Variants in MED12L observed in about 807,000 individuals in gnomAD.
MED12L encodes mediator complex subunit 12L, also known as mediator of RNA polymerase II transcription subunit 12-like protein.
Under a neutral mutation model 281.3 loss-of-function variants are expected in MED12L, and 60 were observed. The observed-to-expected ratio is 0.21, with a 90% CI of 0.17 to 0.26. The LOEUF (loss-of-function observed/expected upper bound fraction) is 0.26. MED12L is among the 10% of genes least tolerant of loss of function. The pLI, the probability that MED12L is intolerant of heterozygous loss-of-function variation, is 1.00. For synonymous variants in MED12L, 974 were observed against 987.2 expected (o/e 0.99, Z 0.25); for missense variants, 2,146 against 2,680.9 (o/e 0.80, Z 4.41).
chr3:151,369,041 G>A (rs909600617), intron 25 of MED12L, among the ~76,000 whole-genome samples: 5 of 152,046 alleles, frequency 3.3e-5, no homozygotes, highest in African/African-American at 7.2e-5. Context: ...GATTACAGGC[G>A]TGAGCCACCG....
chr3:151,357,493 G>C, intron 20 of MED12L, 117 bp downstream of exon 20: 1 of 884,024 alleles, frequency 1.1e-6, no homozygotes, highest in Non-Finnish European at 1.6e-6. Flanking sequence ...GTTAAAACAT[G>C]GTTAAAGAAC....
chr3:151,176,102 C>T (rs956137515), intron 11 of MED12L, among the ~76,000 whole-genome samples: 1 of 152,158 alleles, frequency 6.6e-6, no homozygotes, highest in Non-Finnish European at 1.5e-5. Flanking sequence ...GTCCCACTCC[C>T]CTGCCCAGAC....
chr3:151,102,916 A>G (rs965215932), intron 2 of MED12L, among the ~76,000 whole-genome samples: 8 of 152,224 alleles, frequency 5.3e-5, no homozygotes, highest in African/African-American at 1.9e-4. Context: ...AAGGAGCTAC[A>G]TAGTGGCTAA....
intron 16 of MED12L, among the ~76,000 whole-genome samples, chr3:151,271,851 G>A (rs747972618): frequency 4.8e-4 from 73 of 152,202 alleles, no homozygotes; most frequent in Non-Finnish European, 8.8e-4. Flanking sequence ...AATTAGGAAT[G>A]TAGATGGCTG....
At chr3:151,094,226 T>G (rs1176565019) in intron 2 of MED12L, among the ~76,000 whole-genome samples, 1 of 152,180 alleles carries the variant, frequency 6.6e-6, no homozygotes, top group Non-Finnish European at 1.5e-5. Context: ...ACAAGAACTG[T>G]GATGTATTTC....
chr3:151,100,624 T>A (rs1196340667), intron 2 of MED12L, among the ~76,000 whole-genome samples: 5 of 152,196 alleles, frequency 3.3e-5, no homozygotes, highest in Admixed American at 1.3e-4. Context: ...TCTTCTTTTT[T>A]AATAAAGCTT....
At chr3:151,410,604 C>T (rs17283052) in intron 40 of MED12L, among the ~76,000 whole-genome samples, 56,931 of 152,070 alleles carry the variant, frequency 0.37, 11,127 homozygotes, top group Middle Eastern at 0.48. Context: ...GGTGACAATA[C>T]ACAAAGAACT....
chr3:151,207,501 G>A (rs1038002340), intron 16 of MED12L, among the ~76,000 whole-genome samples: 3 of 150,324 alleles, frequency 2.0e-5, no homozygotes, highest in East Asian at 4.0e-4. Context: ...AGAAATTTTG[G>A]GGGGGACTGT....
intron 16 of MED12L, among the ~76,000 whole-genome samples, chr3:151,317,205 T>G (rs1748369093): frequency 6.6e-6 from 1 of 152,114 alleles, no homozygotes; most frequent in South Asian, 2.1e-4. Flanking sequence ...TTGTAATTGA[T>G]AACTTTGGAA....
intron 3 of MED12L, among the ~76,000 whole-genome samples, chr3:151,119,720 T>G (rs1376420545): frequency 6.6e-6 from 1 of 152,112 alleles, no homozygotes; most frequent in Non-Finnish European, 1.5e-5. Context: ...AATAACTAAG[T>G]AAATGGAAAT....
At chr3:151,418,159 TTCTC>T (rs1317264229) in intron 43 of MED12L, among the ~76,000 whole-genome samples, 4 of 152,234 alleles carry the variant, frequency 2.6e-5, no homozygotes, top group Non-Finnish European at 4.4e-5. Context: ...TGCTTTATTA[TTCTC>T]TCTTTCACTC....
In MED12L at chr3:151,435,541, C is replaced by CTT. The variant is rs1720051633; in HGVS notation, c.*2738_*2739dup. On this transcript the variant is annotated 3_prime_UTR_variant, in exon 45 of 45. Coordinates refer to ENST00000687756, the MANE Select transcript of MED12L (RefSeq NM_001393769.1). ...GTCTCAAATGATTGGCAGGGGCTAA[C>CTT]TTATTAGTAATTCTCGGTTTTGTGC... 6.6e-6 allele frequency: 1 copy of CTT among 152,218 alleles called. No homozygotes were observed. Among genetic ancestry groups the CTT allele is most frequent in the South Asian group, 2.1e-4 (1 of 4,818 alleles). 9.4% of individuals were successfully genotyped at this position (152,218 alleles called of 1,614,324 possible).
At chr3:151,294,090 G>T in intron 16 of MED12L, 1 of 882,072 alleles carries the variant, frequency 1.1e-6, no homozygotes, top group Non-Finnish European at 1.8e-6. Flanking sequence ...TCATATTTTT[G>T]ATGGGCTCAA....
intron 16 of MED12L, among the ~76,000 whole-genome samples, chr3:151,282,955 A>G (rs1168361119): frequency 6.6e-6 from 1 of 152,226 alleles, no homozygotes; most frequent in Non-Finnish European, 1.5e-5. Flanking sequence ...GGGGGCAGAA[A>G]TTACATCATT....
At position 151,164,002 on chromosome 3, in the gene MED12L, G is replaced by A. The variant is rs758939479; in HGVS notation, c.1217G>A (p.Ser406Asn). 1.2e-6 allele frequency: 2 copies of A among 1,613,648 alleles called. No homozygotes were observed. Among genetic ancestry groups the A allele is most frequent in the Middle Eastern group, 1.7e-4 (1 of 6,058 alleles). The change falls in exon 9 of 45, where the codon AGC becomes AAC. Residue 406 changes from serine to asparagine, a missense_variant. Physicochemically the swap from Ser to Asn is conservative, Grantham distance 46 (BLOSUM62 1). Transcript: ENST00000687756. ...GATCTGCTGCAGGTGGCCCCGTCCAGCCTCCCCATGCCGGGTGGGAACACG... is the reference window on the plus strand; with the variant it reads ...GATCTGCTGCAGGTGGCCCCGTCCAACCTCCCCATGCCGGGTGGGAACACG... ...PLDLLQVAPS[S>N]LPMPGGNTAF...
intron 16 of MED12L, among the ~76,000 whole-genome samples, chr3:151,275,210 T>A (rs1464541251): frequency 6.6e-6 from 1 of 152,150 alleles, no homozygotes; most frequent in African/African-American, 2.4e-5. Context: ...AGGATCAGAT[T>A]TTTTTCCCCA....
At position 151,372,547 on chromosome 3, in the gene MED12L, T is replaced by C; in HGVS notation, c.3665-20T>C. The stretch of plus-strand genomic sequence containing the variant: ...TATTTTGAACTTCTGTGATTTTGCT[T>C]TTGTGATTCTATTACTTAGGAGATG... On this transcript the variant is annotated intron_variant, in intron 26 of 44. Coordinates refer to ENST00000687756, the MANE Select transcript of MED12L (RefSeq NM_001393769.1). 6.2e-7 allele frequency: 1 copy of C among 1,604,446 alleles called. No homozygotes were observed. Among genetic ancestry groups the C allele is most frequent in the Non-Finnish European group, 8.5e-7 (1 of 1,171,832 alleles).
At chr3:151,324,781 T>A (rs139558630) in intron 16 of MED12L, among the ~76,000 whole-genome samples, 158 of 152,344 alleles carry the variant, frequency 1.0e-3, no homozygotes, top group African/African-American at 3.4e-3. Context: ...ATATGGCACA[T>A]GTGTTCTGTA....
At chr3:151,268,288 G>A (rs928961714) in intron 16 of MED12L, among the ~76,000 whole-genome samples, 3 of 152,040 alleles carry the variant, frequency 2.0e-5, no homozygotes, top group Non-Finnish European at 4.4e-5. Flanking sequence ...CAACAGAGCT[G>A]CTGTGAATTA....
Sources: gnomAD v4.1 joint callset for allele counts (sites outside exome capture counted in the v4.1 genomes callset) on GRCh38, gnomAD v4.1.1 for gene constraint, MANE v1.5 for transcripts, NCBI Gene and HGNC (gene_info 2026-07-23, HGNC 2026-07-21) for gene names.